SMAD2: variants seen among roughly 807,000 people sequenced by gnomAD.
SMAD2 encodes the protein SMAD family member 2, also known as MAD homolog 2.
SMAD2 carries 8 observed loss-of-function variants against 64.4 expected under a neutral mutation model. The ratio of observed to expected loss-of-function variants is 0.12; its 90% CI spans 0.07 to 0.22. SMAD2 has a LOEUF of 0.22. SMAD2 is among the 10% of genes least tolerant of loss of function. SMAD2 has a pLI of 1.00. For missense variants in SMAD2, 289 were observed against 561.2 expected, an observed-to-expected ratio of 0.51 and a Z score of 4.90; for synonymous variants, 203 against 195.8, an observed-to-expected ratio of 1.04 and a Z score of -0.31.
At position 47,822,830 on chromosome 18, in the gene SMAD2, C is replaced by A. The variant is rs1912619749; in HGVS notation, c.*18997G>T. On this transcript the variant is annotated 3_prime_UTR_variant, in exon 11 of 11. Transcript: ENST00000262160. ...TAGCTGGGACTACAGGCATGCACCACCACACCCAGCTAATTTTTGTATTTT... is the reference window on the plus strand; with the variant it reads ...TAGCTGGGACTACAGGCATGCACCAACACACCCAGCTAATTTTTGTATTTT... 1 of 152,228 alleles carries A rather than the reference C, an allele frequency of 6.6e-6. No homozygotes were observed. The highest frequency in any genetic ancestry group is 1.5e-5 in the Non-Finnish European group (1 of 68,058). 9.4% of individuals were successfully genotyped at this position (152,228 alleles called of 1,614,324 possible).
rs533220515 is a variant in SMAD2 at position 47,840,827 on chromosome 18, G to C, written c.*1000C>G. 1.3e-5 allele frequency: 3 copies of C among 231,820 alleles called. No homozygotes were observed. Among genetic ancestry groups the C allele is most frequent in the Non-Finnish European group, 2.6e-5 (3 of 117,264 alleles). 14.4% of individuals were successfully genotyped at this position (231,820 alleles called of 1,614,324 possible). ...TTTTTTAAAAAGGGATAAATATGTGGAAGTAATTCTAGCATATCCCTGAAA... is the reference window on the plus strand; with the variant it reads ...TTTTTTAAAAAGGGATAAATATGTGCAAGTAATTCTAGCATATCCCTGAAA... On this transcript the variant is annotated 3_prime_UTR_variant, in exon 11 of 11. Transcript: ENST00000262160.
At chr18:47,909,068 T>TAAAA (rs74172082) in intron 1 of SMAD2, among the ~76,000 whole-genome samples, 1 of 136,986 alleles carries the variant, frequency 7.3e-6, no homozygotes, top group Non-Finnish European at 1.6e-5. Flanking sequence ...GAACTACAGC[T>TAAAA]AAAAAAAAAA....
At chr18:47,898,462 C>A (rs890050344) in intron 1 of SMAD2, among the ~76,000 whole-genome samples, 1 of 152,056 alleles carries the variant, frequency 6.6e-6, no homozygotes, top group Admixed American at 6.5e-5. Context: ...AGGAAAAAAA[C>A]AGTTTTTAAG....
rs1029142091 is a variant in SMAD2, at chr18:47,819,164, G to A, written c.*22663C>T. 3 of 152,216 alleles carry A rather than the reference G, an allele frequency of 2.0e-5. No individual in the cohort carries two copies. The highest frequency in any genetic ancestry group is 1.9e-4 in the East Asian group (1 of 5,186). The allele number at this position is 152,216 out of a possible 1,614,324, so 9.4% of individuals were successfully genotyped here. On this transcript the variant is annotated 3_prime_UTR_variant, in exon 11 of 11. Coordinates refer to ENST00000262160, the MANE Select transcript of SMAD2 (RefSeq NM_005901.6). Reference sequence around the variant, plus strand: ...ATATAACTTAAACATCTGATAAGCTGGTTTTAAAATAATTGGTAAATCAAA... The same window carrying A: ...ATATAACTTAAACATCTGATAAGCTAGTTTTAAAATAATTGGTAAATCAAA...
chr18:47,898,094 A>C (rs894490800), intron 1 of SMAD2, among the ~76,000 whole-genome samples: 5 of 152,186 alleles, frequency 3.3e-5, no homozygotes, highest in African/African-American at 1.2e-4. Flanking sequence ...AACGTAGAGG[A>C]GGAAGTACAA....
rs2033456578 is a variant in SMAD2 at position 47,896,800 on chromosome 18, T to G, written c.-44A>C. On this transcript the variant is annotated 5_prime_UTR_variant, in exon 2 of 11. Transcript: ENST00000262160. ...AAGCCACGCTAGGAAAACAGCCTCT[T>G]GTATCGAACCTAGCAGAAATATTGA... 1 of 1,595,960 alleles carries G rather than the reference T, an allele frequency of 6.3e-7. No individual in the cohort carries two copies. Among genetic ancestry groups the G allele is most frequent in the Non-Finnish European group, 8.5e-7 (1 of 1,171,212 alleles).
rs2144374225 is a variant in SMAD2 at position 47,868,438 on chromosome 18, C to T, written c.540G>A (p.Val180=). The T allele has an allele frequency of 1.2e-6, 2 of 1,603,180 alleles. No homozygotes were observed. The highest frequency in any genetic ancestry group is 1.7e-6 in the Non-Finnish European group (2 of 1,175,624). Residue 180 remains valine, a synonymous_variant, in exon 5 of 11, where the codon GTG becomes GTA. Transcript: ENST00000262160. ...CTGTTAGGATCTCGGTGTGTCGGGG[C>T]ACTAATACTGGAGGCAAAACTGAAA... is the stretch of plus-strand genomic sequence containing the variant. ...VETPVLPPVL[V]PRHTEILTEL...
intron 1 of SMAD2, among the ~76,000 whole-genome samples, chr18:47,906,467 T>C (rs1478308473): frequency 1.3e-5 from 2 of 151,986 alleles, no homozygotes; most frequent in Non-Finnish European, 2.9e-5. Context: ...CATGAAGAGG[T>C]ATTTAGTATC....
chr18:47,903,461 A>G (rs1319373986), intron 1 of SMAD2, among the ~76,000 whole-genome samples: 3 of 152,208 alleles, frequency 2.0e-5, no homozygotes, highest in African/African-American at 7.2e-5. Flanking sequence ...CGGCTCAGCT[A>G]TAAACCAAAA....
rs566807552 is a variant in SMAD2, at chr18:47,860,096, T to C, written c.730+4963A>G. On this transcript the variant is annotated intron_variant, in intron 6 of 10. Coordinates refer to ENST00000262160, the MANE Select transcript of SMAD2 (RefSeq NM_005901.6). ...GGCTGCCGTGAGCCAACCAGGCCAC[T>C]GCACTCCAGCCTGGGCAACGAAGTG... 3.6e-3 allele frequency among the ~76,000 whole-genome samples: 547 copies of C among 152,066 alleles called. 3 individuals are homozygous for C. The highest frequency in any genetic ancestry group is 0.013 in the African/African-American group (520 of 41,500).
intron 2 of SMAD2, among the ~76,000 whole-genome samples, chr18:47,882,664 C>G (rs539393752): frequency 2.6e-5 from 4 of 152,264 alleles, no homozygotes; most frequent in Admixed American, 1.3e-4. Context: ...CATAAAACAA[C>G]ATTTTTCTGA....
Position 47,825,964 on chromosome 18 carries a change from GTTCACATT to G in SMAD2, c.*15855_*15862del, listed in dbSNP as rs755893002. ...TTTTGGAAATGGCATTAATGTAAAT[GTTCACATT>G]AAGAGAAAACGGTTTCCCTGAATTG... On this transcript the variant is annotated 3_prime_UTR_variant, in exon 11 of 11. Coordinates refer to ENST00000262160, the MANE Select transcript of SMAD2 (RefSeq NM_005901.6). 1 of 152,170 alleles carries G rather than the reference GTTCACATT, an allele frequency of 6.6e-6. No homozygotes were observed. The highest frequency in any genetic ancestry group is 1.5e-5 in the Non-Finnish European group (1 of 68,036). 9.4% of individuals were successfully genotyped at this position (152,170 alleles called of 1,614,324 possible). A position where few individuals can be genotyped will look rare whatever the true frequency, so the allele number is the denominator to read the frequency against.
chr18:47,851,100 G>A (rs1042495358), intron 7 of SMAD2, among the ~76,000 whole-genome samples, 174 bp downstream of exon 7: 1 of 150,238 alleles, frequency 6.7e-6, no homozygotes, highest in African/African-American at 2.4e-5. Context: ...TAATTTTGAG[G>A]GATGGTGTCA....
intron 2 of SMAD2, among the ~76,000 whole-genome samples, chr18:47,873,566 T>C (rs955124088): frequency 4.6e-5 from 7 of 152,176 alleles, no homozygotes; most frequent in African/African-American, 1.7e-4. Context: ...ATTAAAACAG[T>C]ATGCAATTAG....
intron 2 of SMAD2, among the ~76,000 whole-genome samples, chr18:47,884,259 C>T (rs2032766475): frequency 6.6e-6 from 1 of 152,164 alleles, no homozygotes. Flanking sequence ...ATATAGTTCA[C>T]ACTTATTAAG....
Position 47,839,655 on chromosome 18 carries a change from C to T in SMAD2, c.*2172G>A, listed in dbSNP as rs540336141. On this transcript the variant is annotated 3_prime_UTR_variant, in exon 11 of 11. Transcript: ENST00000262160. The stretch of plus-strand genomic sequence containing the variant: ...TGAAGCAGACTATCACAAAATAAGG[C>T]CACCTTCAAAATGTTATGAACTGTA... The T allele has an allele frequency of 6.4e-5, 15 of 233,340 alleles. No individual in the cohort carries two copies. In the East Asian group the frequency reaches 9.0e-4, roughly 14 times the overall value. 14.5% of individuals were successfully genotyped at this position (233,340 alleles called of 1,614,324 possible).
chr18:47,908,542 T>C (rs777719223), intron 1 of SMAD2, among the ~76,000 whole-genome samples: 5 of 152,178 alleles, frequency 3.3e-5, no homozygotes, highest in Non-Finnish European at 5.9e-5. Context: ...TTTACCATCA[T>C]GAAATACAAA....
intron 7 of SMAD2, among the ~76,000 whole-genome samples, chr18:47,850,259 G>T (rs1426156769): frequency 4.3e-5 from 3 of 68,966 alleles, no homozygotes; most frequent in African/African-American, 1.3e-4. Flanking sequence ...TATATATTAT[G>T]TATAATATAT....
rs541451536 is a variant in SMAD2, at chr18:47,903,197, G to C, written c.-53-6388C>G. On this transcript the variant is annotated intron_variant, in intron 1 of 10. Transcript: ENST00000262160. ...GCTGCCAAGGGCTGCGGTAGGACAG[G>C]AAAGATGAGAAAACTTTCACCCAGA... 4.6e-5 allele frequency among the ~76,000 whole-genome samples: 7 copies of C among 152,260 alleles called. No individual in the cohort carries two copies. In the South Asian group the frequency reaches 1.4e-3, roughly 32 times the overall value.
Sources: gnomAD v4.1 joint callset for allele counts (sites outside exome capture counted in the v4.1 genomes callset) on GRCh38, gnomAD v4.1.1 for gene constraint, MANE v1.5 for transcripts, NCBI Gene and HGNC (gene_info 2026-07-23, HGNC 2026-07-21) for gene names.